Variants in LRRTM4 observed in about 807,000 individuals in gnomAD.
LRRTM4 encodes leucine-rich repeat transmembrane neuronal protein 4.
LRRTM4 carries 25 observed loss-of-function variants against 47.6 expected under a neutral mutation model. The observed-to-expected ratio is 0.53, with a 90% CI of 0.38 to 0.73. The LOEUF is 0.73. LRRTM4 is among the 30% of genes least tolerant of loss of function. LRRTM4 has a pLI of 0.00. For synonymous variants in LRRTM4, 311 were observed against 269.5 expected (o/e 1.15, Z -1.51); for missense variants, 638 against 713.4 (o/e 0.89, Z 1.20).
At chr2:77,393,795 A>G (rs991122631) in intron 3 of LRRTM4, among the ~76,000 whole-genome samples, 1 of 151,926 alleles carries the variant, frequency 6.6e-6, no homozygotes, top group African/African-American at 2.4e-5. Flanking sequence ...AAAGGGACAG[A>G]GCTACTTGTT....
chr2:77,348,726 A>T (rs1163143792), intron 3 of LRRTM4, among the ~76,000 whole-genome samples: 1 of 150,882 alleles, frequency 6.6e-6, no homozygotes, highest in Non-Finnish European at 1.5e-5. Context: ...AATAAATTAT[A>T]ACCACCTCTT....
chr2:76,988,525 T>C (rs1676886648), intron 3 of LRRTM4, among the ~76,000 whole-genome samples: 1 of 151,832 alleles, frequency 6.6e-6, no homozygotes, highest in Non-Finnish European at 1.5e-5. Context: ...ACTTACACTA[T>C]GCTGCAATTA....
At chr2:76,795,553 A>G (rs866622203) in intron 3 of LRRTM4, among the ~76,000 whole-genome samples, 5 of 151,016 alleles carry the variant, frequency 3.3e-5, no homozygotes, top group African/African-American at 1.2e-4. Flanking sequence ...ATACATGTAT[A>G]TGCATATATA....
Position 77,262,148 on chromosome 2 carries a change from G to A in LRRTM4, c.1551+256170C>T, listed in dbSNP as rs577079546. Among the ~76,000 whole-genome samples the A allele has an allele frequency of 5.3e-5, 8 of 152,172 alleles. No homozygotes were observed. In the East Asian group the frequency reaches 5.8e-4, roughly 11 times the overall value. On this transcript the variant is annotated intron_variant, in intron 3 of 3. Transcript: ENST00000409884. The stretch of plus-strand genomic sequence containing the variant: ...TCTCCCATCACCTACAGATGGGACC[G>A]TCTAGTTGCAGAAAGACAAGTTCAG...
At chr2:77,428,523 G>A (rs1239435229) in intron 3 of LRRTM4, among the ~76,000 whole-genome samples, 11 of 152,130 alleles carry the variant, frequency 7.2e-5, no homozygotes, top group Middle Eastern at 3.2e-3. Context: ...CTCATTTAAT[G>A]TGAGAAGGAC....
chr2:77,027,626 C>T (rs555789202), intron 3 of LRRTM4, among the ~76,000 whole-genome samples: 3 of 152,112 alleles, frequency 2.0e-5, no homozygotes, highest in Non-Finnish European at 4.4e-5. Context: ...GCATAATGTG[C>T]TTTCTGAATC....
intron 3 of LRRTM4, among the ~76,000 whole-genome samples, chr2:77,315,354 T>G (rs1393472371): frequency 6.6e-6 from 1 of 152,110 alleles, no homozygotes; most frequent in Non-Finnish European, 1.5e-5. Context: ...TTAAAAGGTA[T>G]TGCTCATTCA....
chr2:76,972,271 A>G (rs1233339829), intron 3 of LRRTM4, among the ~76,000 whole-genome samples: 1 of 152,038 alleles, frequency 6.6e-6, no homozygotes, highest in Non-Finnish European at 1.5e-5. Flanking sequence ...ATGTGAATAT[A>G]GCCATCATTC....
At chr2:77,395,105 T>A (rs1280119444) in intron 3 of LRRTM4, among the ~76,000 whole-genome samples, 1 of 151,934 alleles carries the variant, frequency 6.6e-6, no homozygotes, top group Non-Finnish European at 1.5e-5. Context: ...TACTTTGGCA[T>A]CTTACTGGGC....
At chr2:76,840,868 G>C (rs980568521) in intron 3 of LRRTM4, among the ~76,000 whole-genome samples, 2 of 151,828 alleles carry the variant, frequency 1.3e-5, no homozygotes, top group African/African-American at 4.8e-5. Flanking sequence ...TCAGTGTGGC[G>C]ATTCCTCAGG....
At chr2:76,775,680 C>T (rs1673940105) in intron 3 of LRRTM4, among the ~76,000 whole-genome samples, 1 of 152,150 alleles carries the variant, frequency 6.6e-6, no homozygotes, top group Non-Finnish European at 1.5e-5. Context: ...AATCTGACTA[C>T]ATTTGCACGA....
chr2:77,422,241 G>A (rs916229589), intron 3 of LRRTM4, among the ~76,000 whole-genome samples: 1 of 152,164 alleles, frequency 6.6e-6, no homozygotes, highest in Non-Finnish European at 1.5e-5. Context: ...GCTAATGAAA[G>A]TAGAAATATT....
intron 3 of LRRTM4, among the ~76,000 whole-genome samples, chr2:77,185,420 T>C (rs1475214463): frequency 6.6e-6 from 1 of 152,152 alleles, no homozygotes; most frequent in East Asian, 1.9e-4. Context: ...ATCACTCTAT[T>C]GGATCTAGAA....
intron 3 of LRRTM4, among the ~76,000 whole-genome samples, chr2:76,910,456 C>T (rs928575996): frequency 6.6e-6 from 1 of 151,942 alleles, no homozygotes; most frequent in Non-Finnish European, 1.5e-5. Flanking sequence ...TGAAACTAAC[C>T]TGCACATTGT....
chr2:76,791,825 C>T (rs13428376), intron 3 of LRRTM4, among the ~76,000 whole-genome samples: 19,248 of 152,146 alleles, frequency 0.13, 1,338 homozygotes, highest in Non-Finnish European at 0.15. Context: ...CACAGGAAAT[C>T]AAGTCAAAAC....
chr2:76,825,471 C>T (rs1341396939), intron 3 of LRRTM4, among the ~76,000 whole-genome samples: 5 of 151,402 alleles, frequency 3.3e-5, no homozygotes, highest in African/African-American at 9.7e-5. Flanking sequence ...CTACTTGACT[C>T]GAGCAATTGT....
rs1186464485 is a variant in LRRTM4, at chr2:77,164,658, C to A, written c.1551+353660G>T. Among the ~76,000 whole-genome samples the A allele has an allele frequency of 2.6e-5, 4 of 152,292 alleles. No individual in the cohort carries two copies. In the East Asian group the frequency reaches 7.7e-4, roughly 29 times the overall value. ...CAAACTAGAACTCAGGATTAAGAAA[C>A]CCACTCAAAACCGCTCAACTGCATA... On this transcript the variant is annotated intron_variant, in intron 3 of 3. Coordinates refer to ENST00000409884, the MANE Select transcript of LRRTM4 (RefSeq NM_001134745.3).
At chr2:76,975,699 A>G (rs921519769) in intron 3 of LRRTM4, among the ~76,000 whole-genome samples, 7 of 151,750 alleles carry the variant, frequency 4.6e-5, no homozygotes, top group Non-Finnish European at 8.9e-5. Flanking sequence ...GAGACAAAAA[A>G]TATTTACTAT....
intron 3 of LRRTM4, among the ~76,000 whole-genome samples, chr2:77,149,739 G>A (rs1359315680): frequency 6.6e-6 from 1 of 152,176 alleles, no homozygotes; most frequent in Non-Finnish European, 1.5e-5. Flanking sequence ...CAGAGACATA[G>A]ATTCATTAGG....
Sources: allele counts gnomAD v4.1 joint callset (sites outside exome capture counted in the v4.1 genomes callset), GRCh38; gene constraint gnomAD v4.1.1; transcripts MANE v1.5; gene names NCBI Gene and HGNC (gene_info 2026-07-23, HGNC 2026-07-21).